Variants in ALK observed in about 807,000 individuals in gnomAD.
ALK encodes ALK tyrosine kinase receptor.
A neutral mutation model predicts 163.1 loss-of-function variants in ALK; 74 were observed. The ratio of observed to expected loss-of-function variants is 0.45; its 90% CI spans 0.38 to 0.55. The LOEUF is 0.55. ALK is among the 20% of genes least tolerant of loss of function. The pLI is 0.00. For synonymous variants in ALK, 960 were observed against 843.2 expected (o/e 1.14, Z -2.40); for missense variants, 2,063 against 2,105.3 (o/e 0.98, Z 0.39).
intron 3 of ALK, among the ~76,000 whole-genome samples, chr2:29,636,391 G>C (rs1676533431): frequency 1.3e-5 from 2 of 151,034 alleles, no homozygotes; most frequent in Admixed American, 1.3e-4. Flanking sequence ...GAAAGATAAA[G>C]AAAAATGGAG....
chr2:29,357,167 G>A (rs1668270224), intron 5 of ALK, among the ~76,000 whole-genome samples: 1 of 152,254 alleles, frequency 6.6e-6, no homozygotes, highest in Admixed American at 6.5e-5. Flanking sequence ...ATGGGTTATA[G>A]TGAGGAATAC....
intron 2 of ALK, among the ~76,000 whole-genome samples, chr2:29,711,559 G>A (rs769072223): frequency 1.3e-5 from 2 of 151,990 alleles, no homozygotes; most frequent in African/African-American, 4.8e-5. Context: ...CTCCACGACT[G>A]TTGACATCCC....
At chr2:29,199,429 C>G (rs1370794351) in intron 26 of ALK, among the ~76,000 whole-genome samples, 2 of 151,988 alleles carry the variant, frequency 1.3e-5, no homozygotes, top group African/African-American at 4.8e-5. Flanking sequence ...TGTTTTTGCT[C>G]TCTTCTTAAA....
chr2:29,674,168 C>T (rs1401323268), intron 3 of ALK, among the ~76,000 whole-genome samples: 1 of 151,676 alleles, frequency 6.6e-6, no homozygotes, highest in Admixed American at 6.6e-5. Context: ...CCCTTTATTT[C>T]CTTCACCTGC....
chr2:29,697,954 G>A (rs1242866635), intron 2 of ALK, among the ~76,000 whole-genome samples: 1 of 152,140 alleles, frequency 6.6e-6, no homozygotes, highest in Admixed American at 6.5e-5. Flanking sequence ...AAATATTCCT[G>A]TTAACACTAA....
intron 1 of ALK, among the ~76,000 whole-genome samples, chr2:29,910,248 G>A (rs1440464123): frequency 6.6e-6 from 1 of 152,008 alleles, no homozygotes; most frequent in Non-Finnish European, 1.5e-5. Flanking sequence ...ACATGGGCTG[G>A]TTTATTAGCA....
chr2:29,811,710 T>A (rs1664765918), intron 1 of ALK, among the ~76,000 whole-genome samples: 1 of 152,160 alleles, frequency 6.6e-6, no homozygotes, highest in African/African-American at 2.4e-5. Context: ...CACTGTAGGA[T>A]CTGTAATCTT....
At chr2:29,732,142 C>T (rs1679762111) in intron 1 of ALK, among the ~76,000 whole-genome samples, 1 of 152,194 alleles carries the variant, frequency 6.6e-6, no homozygotes, top group African/African-American at 2.4e-5. Flanking sequence ...AAATCATTCA[C>T]TAAGTGACTC....
At chr2:29,765,820 T>C (rs537557244) in intron 1 of ALK, among the ~76,000 whole-genome samples, 1 of 152,172 alleles carries the variant, frequency 6.6e-6, no homozygotes, top group Non-Finnish European at 1.5e-5. Context: ...TAAGCCCTTA[T>C]TTGTAGTATT....
rs147268927 is a variant in ALK at position 29,463,301 on chromosome 2, T to C, written c.1154+68614A>G. On this transcript the variant is annotated intron_variant, in intron 4 of 28. Coordinates refer to ENST00000389048, the MANE Select transcript of ALK (RefSeq NM_004304.5). Reference sequence around the variant, plus strand: ...GCAGCAAGAAGAAGGATTCCAGACATTCCATTCACTTGAAATACCACAGAA... The same window carrying C: ...GCAGCAAGAAGAAGGATTCCAGACACTCCATTCACTTGAAATACCACAGAA... Among the ~76,000 whole-genome samples the C allele has an allele frequency of 4.4e-3, 667 of 152,300 alleles. 2 individuals are homozygous for C. The highest frequency in any genetic ancestry group is 7.7e-3 in the Non-Finnish European group (526 of 68,016).
rs111768210 is a variant in ALK at position 29,773,233 on chromosome 2, TACAC to T, written c.668-55540_668-55537del. Among the ~76,000 whole-genome samples, 11 of 146,942 alleles carry T rather than the reference TACAC, an allele frequency of 7.5e-5. No homozygotes were observed. The East Asian group carries it at 9.8e-4, about 13-fold the overall frequency. ...CTATCAGTAAAATACACAGTAAATG[TACAC>T]ACACACACACACACACATTTTTTTC... On this transcript the variant is annotated intron_variant, in intron 1 of 28. Coordinates refer to ENST00000389048, the MANE Select transcript of ALK (RefSeq NM_004304.5).
intron 3 of ALK, among the ~76,000 whole-genome samples, chr2:29,623,560 T>A (rs1304113581): frequency 6.6e-6 from 1 of 152,220 alleles, no homozygotes; most frequent in African/African-American, 2.4e-5. Flanking sequence ...CATCTCCATT[T>A]TCTAGATGAT....
At chr2:29,766,304 G>T (rs1680860859) in intron 1 of ALK, among the ~76,000 whole-genome samples, 1 of 152,132 alleles carries the variant, frequency 6.6e-6, no homozygotes, top group Non-Finnish European at 1.5e-5. Flanking sequence ...CCTTCACGGG[G>T]TTGTTCAGAA....
intron 4 of ALK, among the ~76,000 whole-genome samples, chr2:29,451,267 C>A (rs1003810016): frequency 6.6e-6 from 1 of 152,158 alleles, no homozygotes; most frequent in African/African-American, 2.4e-5. Flanking sequence ...CAGTCCATCT[C>A]CCCAGCCATC....
chr2:29,579,281 G>A (rs899896359), intron 3 of ALK, among the ~76,000 whole-genome samples: 1 of 152,176 alleles, frequency 6.6e-6, no homozygotes, highest in African/African-American at 2.4e-5. Flanking sequence ...TCCAGCTTTA[G>A]CGTTCCAGGC....
At chr2:29,414,564 AC>A (rs1669820619) in intron 4 of ALK, among the ~76,000 whole-genome samples, 1 of 152,100 alleles carries the variant, frequency 6.6e-6, no homozygotes, top group Non-Finnish European at 1.5e-5. Context: ...AAAATAAAAG[AC>A]CCCTTGCTCC....
intron 4 of ALK, among the ~76,000 whole-genome samples, chr2:29,403,903 C>T (rs1190052000): frequency 6.6e-6 from 1 of 151,776 alleles, no homozygotes; most frequent in Non-Finnish European, 1.5e-5. Context: ...CAGAGAGAGA[C>T]CCTGTCTCAA....
intron 5 of ALK, among the ~76,000 whole-genome samples, chr2:29,381,653 G>A (rs1214895186): frequency 2.0e-5 from 3 of 152,142 alleles, no homozygotes; most frequent in Non-Finnish European, 4.4e-5. Flanking sequence ...TACAGTCCTG[G>A]CCAGTAATGT....
intron 1 of ALK, among the ~76,000 whole-genome samples, chr2:29,879,623 T>C (rs1250970221): frequency 3.9e-5 from 6 of 152,196 alleles, no homozygotes; most frequent in Non-Finnish European, 5.9e-5. Context: ...TTTAAGATAA[T>C]GGTTCATTCA....
Sources: gnomAD v4.1 joint callset for allele counts (sites outside exome capture counted in the v4.1 genomes callset) on GRCh38, gnomAD v4.1.1 for gene constraint, MANE v1.5 for transcripts, NCBI Gene and HGNC (gene_info 2026-07-23, HGNC 2026-07-21) for gene names.